The following CD37 variants were observed in gnomAD, a reference collection of about 807,000 sequenced individuals.
The protein encoded by CD37 is CD37 molecule.
In CD37, 37 loss-of-function variants were observed where a neutral mutation model predicts 38.9. The ratio of observed to expected loss-of-function variants is 0.95; its 90% CI spans 0.73 to 1.25. The LOEUF (loss-of-function observed/expected upper bound fraction) is 1.25. CD37 is among the 50% of genes most tolerant of loss of function. The probability of loss-of-function intolerance (pLI) is 0.00; values close to 1 mark genes in which losing one functional copy is unlikely to be tolerated. For missense variants in CD37, 351 were observed against 360.1 expected, an observed-to-expected ratio of 0.97 and a Z score of 0.20; for synonymous variants, 146 against 150.1, an observed-to-expected ratio of 0.97 and a Z score of 0.20.
rs1187712595 is a variant in CD37, at chr19:49,339,784, C to T, written c.768+371C>T. 1.5e-6 allele frequency: 2 copies of T among 1,364,106 alleles called. No homozygotes were observed. The highest frequency in any genetic ancestry group is 3.3e-5 in the Admixed American group (1 of 30,370). The allele number at this position is 1,364,106 out of a possible 1,614,324, so 84.5% of individuals were successfully genotyped here. ...CCTGATCGCTGACGGCGGCGGCGGGCACAGCGGCAGTCTGTGGGGTGGCTG... is the reference window on the plus strand; with the variant it reads ...CCTGATCGCTGACGGCGGCGGCGGGTACAGCGGCAGTCTGTGGGGTGGCTG... On this transcript the variant is annotated intron_variant, in intron 7 of 7. Coordinates refer to ENST00000323906, the MANE Select transcript of CD37 (RefSeq NM_001774.3). The surrounding 1 kb of genome is among the most constrained non-coding windows in gnomAD (Gnocchi z 4.5).
At chr19:49,340,132 T>A in intron 7 of CD37, 119 bp from the exon 8 acceptor site, 1 of 1,530,190 alleles carries the variant, frequency 6.5e-7, no homozygotes, top group Non-Finnish European at 8.9e-7. Context: ...TATCCCCTTC[T>A]CCAGCCCCTT....
rs906556668 is a variant in CD37 at position 49,338,805 on chromosome 19, T to A, written c.553T>A (p.Ser185Thr). 1.2e-6 allele frequency: 2 copies of A among 1,613,854 alleles called. No homozygotes were observed. Among genetic ancestry groups the A allele is most frequent in the Non-Finnish European group, 1.7e-6 (2 of 1,179,982 alleles). The change falls in exon 6 of 8, where the codon TCG becomes ACG. Residue 185 changes from serine to threonine, a missense_variant. Coordinates refer to ENST00000323906, the MANE Select transcript of CD37 (RefSeq NM_001774.3). The surrounding 1 kb of genome is among the most constrained non-coding windows in gnomAD (Gnocchi z 5.0). ...CGTGCCCTGCTCCTGCTACAACTTG[T>A]CGGCGACCAACGACTCCACAATCCT... ...HRVPCSCYNL[S>T]ATNDSTILDK...
chr19:49,338,012 G>T lies in CD37; in HGVS notation c.430G>T (p.Asp144Tyr). The part of the protein sequence containing the change: ...PEETAAEESW[D>Y]YVQFQLRCCG... ...GGAGACCGCGGCCGAGGAGAGCTGG[G>T]ACTATGTGCAGTTCCAGGTAAGCCC... The change falls in exon 5 of 8, where the codon GAC becomes TAC. Residue 144 changes from aspartate to tyrosine, a missense_variant. By Grantham distance (160) the Asp-to-Tyr change is radical. Transcript: ENST00000323906. This position sits in a 1 kb window ranked among gnomAD's most constrained non-coding sequence, Gnocchi z 5.0. The T allele has an allele frequency of 6.2e-7, 1 of 1,613,956 alleles. No individual in the cohort carries two copies. The highest frequency in any genetic ancestry group is 8.5e-7 in the Non-Finnish European group (1 of 1,179,958).
chr19:49,337,882 G>A (rs374716933), intron 4 of CD37, 43 bp from the exon 5 acceptor site: 3 of 1,611,516 alleles, frequency 1.9e-6, no homozygotes, highest in Non-Finnish European at 2.5e-6. Flanking sequence ...GGGGAGGGGT[G>A]GGGCGGGGAA....
chr19:49,335,621 C>A lies in CD37; in HGVS notation c.69+12C>A. 2 of 1,613,120 alleles carry A rather than the reference C, an allele frequency of 1.2e-6. No homozygotes were observed. Among genetic ancestry groups the A allele is most frequent in the Non-Finnish European group, 1.7e-6 (2 of 1,179,126 alleles). ...ACCTCTTCTTCTTCGTGAGTTGCCTCATGGCTACCCAGCCGGGGCCCAGCC... is the reference window on the plus strand; with the variant it reads ...ACCTCTTCTTCTTCGTGAGTTGCCTAATGGCTACCCAGCCGGGGCCCAGCC... On this transcript the variant is annotated intron_variant, in intron 1 of 7. Coordinates refer to ENST00000323906, the MANE Select transcript of CD37 (RefSeq NM_001774.3). This position sits in a 1 kb window ranked among gnomAD's most constrained non-coding sequence, Gnocchi z 4.6.
rs1971195342 is a variant in CD37, at chr19:49,340,532, T to TC, written c.*205dup. ...TTTCGTCCACAGCTTCCTGTCCCCA[T>TC]CTGTCGGCCTACCACCACCCACAAG... is the stretch of plus-strand genomic sequence containing the variant. On this transcript the variant is annotated 3_prime_UTR_variant, in exon 8 of 8. Transcript: ENST00000323906. 4.8e-6 allele frequency: 3 copies of TC among 620,294 alleles called. No homozygotes were observed. Among genetic ancestry groups the TC allele is most frequent in the Non-Finnish European group, 8.7e-6 (3 of 345,038 alleles). 38.4% of individuals were successfully genotyped at this position (620,294 alleles called of 1,614,324 possible).
chr19:49,336,835 G>T, intron 2 of CD37, 74 bp from the exon 3 acceptor site: 1 of 1,557,672 alleles, frequency 6.4e-7, no homozygotes, highest in Non-Finnish European at 8.8e-7. Context: ...CACTTGGGTG[G>T]CTGCCTAGGT....
In CD37 at chr19:49,335,900, C is replaced by A. The variant is rs779740026; in HGVS notation, c.142+114C>A. ...CTACTCTGCAGGCAGGCTACAGGCTCCCATCCACTGCTCACCGGAGGCTTC... is the reference window on the plus strand; with the variant it reads ...CTACTCTGCAGGCAGGCTACAGGCTACCATCCACTGCTCACCGGAGGCTTC... On this transcript the variant is annotated intron_variant, in intron 2 of 7. Transcript: ENST00000323906. The surrounding 1 kb of genome is among the most constrained non-coding windows in gnomAD (Gnocchi z 4.6). 5 of 823,812 alleles carry A rather than the reference C, an allele frequency of 6.1e-6. No homozygotes were observed. The highest frequency in any genetic ancestry group is 8.1e-6 in the Non-Finnish European group (4 of 491,072). The allele number at this position is 823,812 out of a possible 1,614,324, so 51.0% of individuals were successfully genotyped here. A position where few individuals can be genotyped will look rare whatever the true frequency, so the allele number is the denominator to read the frequency against.
Position 49,338,598 on chromosome 19 carries a change from C to A in CD37, c.448-102C>A, listed in dbSNP as rs1971048159. Reference sequence around the variant, plus strand: ...CCCCACTCCACACCCACCACTTAGTCCCCTGCTCCCCGACCTGACCTCATA... The same window carrying A: ...CCCCACTCCACACCCACCACTTAGTACCCTGCTCCCCGACCTGACCTCATA... On this transcript the variant is annotated intron_variant, in intron 5 of 7. Transcript: ENST00000323906. The surrounding 1 kb of genome is among the most constrained non-coding windows in gnomAD (Gnocchi z 5.0). 2.4e-6 allele frequency: 2 copies of A among 829,744 alleles called. No homozygotes were observed. Among genetic ancestry groups the A allele is most frequent in the South Asian group, 3.0e-5 (2 of 67,078 alleles). 51.4% of individuals were successfully genotyped at this position (829,744 alleles called of 1,614,324 possible). A position where few individuals can be genotyped will look rare whatever the true frequency, so the allele number is the denominator to read the frequency against.
In CD37 at chr19:49,338,003, G is replaced by A. The variant is rs371469311; in HGVS notation, c.421G>A (p.Glu141Lys). ...GTNPEETAAE[E>K]SWDYVQFQLR... Reference sequence around the variant, plus strand: ...CAACCCCGAGGAGACCGCGGCCGAGGAGAGCTGGGACTATGTGCAGTTCCA... The same window carrying A: ...CAACCCCGAGGAGACCGCGGCCGAGAAGAGCTGGGACTATGTGCAGTTCCA... Residue 141 changes from glutamate to lysine, a missense_variant, in exon 5 of 8, where the codon GAG (glutamate) becomes AAG (lysine). Transcript: ENST00000323906. This position sits in a 1 kb window ranked among gnomAD's most constrained non-coding sequence, Gnocchi z 5.0. 5 of 1,613,894 alleles carry A rather than the reference G, an allele frequency of 3.1e-6. No individual in the cohort carries two copies. In the South Asian group the frequency reaches 3.3e-5, roughly 11 times the overall value.
intron 4 of CD37, 116 bp downstream of exon 4, chr19:49,337,337 G>A: frequency 9.9e-7 from 1 of 1,012,130 alleles, no homozygotes; most frequent in Non-Finnish European, 1.5e-6. Context: ...CCTAGATAAA[G>A]AGAAATAAGA....
In CD37 at chr19:49,338,906, T is replaced by C. The variant is rs1482844411; in HGVS notation, c.654T>C (p.Ala218=). ...CCAGACACAGTGCAGACATCTGCGC[T>C]GTCCCTGCAGAGAGCCACATCTACC... ...ARSRHSADIC[A]VPAESHIYRE... is the part of the protein sequence containing the mutation. Residue 218 remains alanine (A), a synonymous_variant, in exon 6 of 8, where the codon GCT becomes GCC. Coordinates refer to ENST00000323906, the MANE Select transcript of CD37 (RefSeq NM_001774.3). This position sits in a 1 kb window ranked among gnomAD's most constrained non-coding sequence, Gnocchi z 5.0. 1.2e-6 allele frequency: 2 copies of C among 1,613,952 alleles called. No individual in the cohort carries two copies. Among genetic ancestry groups the C allele is most frequent in the East Asian group, 4.5e-5 (2 of 44,866 alleles).
Position 49,340,525 on chromosome 19 carries a change from G to A in CD37, c.*197G>A, listed in dbSNP as rs1266329247. 1.6e-6 allele frequency: 1 copy of A among 622,422 alleles called. No homozygotes were observed. The highest frequency in any genetic ancestry group is 2.7e-5 in the East Asian group (1 of 36,570). 38.6% of individuals were successfully genotyped at this position (622,422 alleles called of 1,614,324 possible). ...CTGGGGCTTTCGTCCACAGCTTCCT[G>A]TCCCCATCTGTCGGCCTACCACCAC... is the stretch of plus-strand genomic sequence containing the variant. On this transcript the variant is annotated 3_prime_UTR_variant, in exon 8 of 8. Coordinates refer to ENST00000323906, the MANE Select transcript of CD37 (RefSeq NM_001774.3).
At position 49,335,458 on chromosome 19, in the gene CD37, C is replaced by A; in HGVS notation, c.-83C>A. On this transcript the variant is annotated 5_prime_UTR_variant, in exon 1 of 8. Coordinates refer to ENST00000323906, the MANE Select transcript of CD37 (RefSeq NM_001774.3). The surrounding 1 kb of genome is among the most constrained non-coding windows in gnomAD (Gnocchi z 4.6). ...CAGCTCTCCGTCTCTCTTTCTCTCTCAGCCTCTTTCTTTCTCCCTGTCTCC... is the reference window on the plus strand; with the variant it reads ...CAGCTCTCCGTCTCTCTTTCTCTCTAAGCCTCTTTCTTTCTCCCTGTCTCC... 1.0e-6 allele frequency: 1 copy of A among 988,168 alleles called. No individual in the cohort carries two copies. Among genetic ancestry groups the A allele is most frequent in the South Asian group, 1.3e-5 (1 of 76,134 alleles). 61.2% of individuals were successfully genotyped at this position (988,168 alleles called of 1,614,324 possible). A position where few individuals can be genotyped will look rare whatever the true frequency, so the allele number is the denominator to read the frequency against.
chr19:49,337,519 G>A (rs1453450953), intron 4 of CD37: 2 of 754,556 alleles, frequency 2.7e-6, no homozygotes. Flanking sequence ...CTACTTGGGA[G>A]GTCGAGGTGG....
At position 49,339,771 on chromosome 19, in the gene CD37, C is replaced by A. The variant is rs1010121573; in HGVS notation, c.768+358C>A. 4 of 1,363,616 alleles carry A rather than the reference C, an allele frequency of 2.9e-6. No homozygotes were observed. Among genetic ancestry groups the A allele is most frequent in the Non-Finnish European group, 2.8e-6 (3 of 1,059,572 alleles). The allele number at this position is 1,363,616 out of a possible 1,614,324, so 84.5% of individuals were successfully genotyped here. ...GCCCCGGGCCCAGCCTGATCGCTGA[C>A]GGCGGCGGCGGGCACAGCGGCAGTC... is the stretch of plus-strand genomic sequence containing the variant. On this transcript the variant is annotated intron_variant, in intron 7 of 7. Transcript: ENST00000323906. This position sits in a 1 kb window ranked among gnomAD's most constrained non-coding sequence, Gnocchi z 4.5.
In CD37 at chr19:49,337,212, G is replaced by T. The variant is rs771744825; in HGVS notation, c.333G>T (p.Gln111His). The T allele has an allele frequency of 6.2e-7, 1 of 1,614,126 alleles. No individual in the cohort carries two copies. The highest frequency in any genetic ancestry group is 8.5e-7 in the Non-Finnish European group (1 of 1,180,014). Residue 111 changes from glutamine to histidine, a missense_variant, in exon 4 of 8, where the codon CAG becomes CAT. By Grantham distance (24) the Gln-to-His change is conservative. Coordinates refer to ENST00000323906, the MANE Select transcript of CD37 (RefSeq NM_001774.3). ...QITLGILIST[Q>H]RAQLERSLRD... is the part of the protein sequence containing the mutation. ...CCCTGGGAATCCTCATCTCCACTCA[G>T]CGGGCCCAGGTGAGCTTCCTGCAGT...
intron 7 of CD37, 95 bp from the exon 8 acceptor site, chr19:49,340,156 C>G (rs757688722): frequency 6.4e-5 from 92 of 1,438,638 alleles, no homozygotes; most frequent in Non-Finnish European, 8.4e-5. Flanking sequence ...GCCCAATTCA[C>G]GGCCCCACCC....
chr19:49,339,293 A>G lies in CD37; in HGVS notation c.685-37A>G, dbSNP rs2146223196. On this transcript the variant is annotated intron_variant, in intron 6 of 7. Coordinates refer to ENST00000323906, the MANE Select transcript of CD37 (RefSeq NM_001774.3). This position sits in a 1 kb window ranked among gnomAD's most constrained non-coding sequence, Gnocchi z 4.5. ...CGCTGGGCCTGGGCTTGAGAGTCCC[A>G]GAAAGAATCCCTTTAACTTTTCCCT... 6.3e-7 allele frequency: 1 copy of G among 1,585,248 alleles called. No individual in the cohort carries two copies. Among genetic ancestry groups the G allele is most frequent in the Middle Eastern group, 1.7e-4 (1 of 6,000 alleles).
Sources: allele counts gnomAD v4.1 joint callset, GRCh38; gene constraint gnomAD v4.1.1; non-coding constraint Gnocchi (gnomAD v3.1); transcripts MANE v1.5; gene names NCBI Gene and HGNC (gene_info 2026-07-23, HGNC 2026-07-21).